Variants in DAB1 observed in about 807,000 individuals in gnomAD.
DAB1 encodes DAB adaptor protein 1, also known as disabled homolog 1.
DAB1 carries 15 observed loss-of-function variants against 64.6 expected under a neutral mutation model. The ratio of observed to expected loss-of-function variants is 0.23; its 90% CI spans 0.16 to 0.36. DAB1 has a LOEUF of 0.36. DAB1 is among the 10% of genes least tolerant of loss of function. The pLI is 1.00. For missense variants in DAB1, 596 were observed against 706.7 expected (o/e 0.84, Z 1.78); for synonymous variants, 235 against 251.9 (o/e 0.93, Z 0.64).
At chr1:57,830,482 C>T (rs993360853) in intron 1 of DAB1, among the ~76,000 whole-genome samples, 2 of 152,168 alleles carry the variant, frequency 1.3e-5, no homozygotes, top group Non-Finnish European at 2.9e-5. Flanking sequence ...GCAGCGTGAC[C>T]TCAAAGCTGG....
chr1:57,295,169 C>T (rs1446856491), intron 1 of DAB1, among the ~76,000 whole-genome samples: 1 of 152,092 alleles, frequency 6.6e-6, no homozygotes, highest in Non-Finnish European at 1.5e-5. Context: ...GGTTGCACAA[C>T]ATCATGACTA....
chr1:57,230,015 T>C (rs948497803), intron 2 of DAB1, among the ~76,000 whole-genome samples: 1 of 152,228 alleles, frequency 6.6e-6, no homozygotes, highest in Non-Finnish European at 1.5e-5. Context: ...ACTTGTTTAT[T>C]GAAGCATATA....
chr1:58,138,707 G>A lies in DAB1; in HGVS notation n.387+11804C>T, dbSNP rs574638978. On this transcript the variant is annotated intron_variant and non_coding_transcript_variant, in intron 5 of 20. Transcript: ENST00000485760. ...CTGTACTTTCAAAATATGCAATCTG[G>A]TGGTGAAAAATATGGAAGCTTGAAG... 9.8e-5 allele frequency among the ~76,000 whole-genome samples: 15 copies of A among 152,290 alleles called. No homozygotes were observed. The South Asian group carries it at 2.1e-3, about 21-fold the overall frequency.
chr1:57,431,242 G>A (rs1190605936), intron 7 of DAB1, among the ~76,000 whole-genome samples: 1 of 150,686 alleles, frequency 6.6e-6, no homozygotes, highest in East Asian at 1.9e-4. Context: ...CTCTAGAGAA[G>A]CATGCATGAA....
chr1:57,276,257 T>C (rs567362919), intron 2 of DAB1, among the ~76,000 whole-genome samples: 1 of 152,364 alleles, frequency 6.6e-6, no homozygotes, highest in African/African-American at 2.4e-5. Context: ...ATCCTCTCCA[T>C]AGCGCTCAAG....
intron 6 of DAB1, among the ~76,000 whole-genome samples, chr1:57,747,258 G>A (rs1648321434): frequency 6.6e-6 from 1 of 152,150 alleles, no homozygotes. Context: ...AATGTTTTAT[G>A]TGCTTGCCCC....
At chr1:57,588,149 T>C (rs1645402117) in intron 7 of DAB1, among the ~76,000 whole-genome samples, 1 of 152,192 alleles carries the variant, frequency 6.6e-6, no homozygotes, top group Non-Finnish European at 1.5e-5. Flanking sequence ...ACAAGAAACA[T>C]TCAGGTCATT....
chr1:58,400,552 T>C (rs376132391), intron 3 of DAB1, among the ~76,000 whole-genome samples: 68 of 152,194 alleles, frequency 4.5e-4, no homozygotes, highest in African/African-American at 1.6e-3. Context: ...GCAGATACAA[T>C]AGAATCATAA....
intron 6 of DAB1, among the ~76,000 whole-genome samples, chr1:57,811,830 A>G (rs1651634940): frequency 2.6e-5 from 4 of 152,126 alleles, no homozygotes; most frequent in Admixed American, 2.0e-4. Context: ...GCTCTAGGTA[A>G]CCCAAGCCAT....
chr1:57,899,785 C>T (rs1055408987), intron 5 of DAB1, among the ~76,000 whole-genome samples: 5 of 152,024 alleles, frequency 3.3e-5, no homozygotes, highest in Non-Finnish European at 2.9e-5. Context: ...TGTCAAGATC[C>T]GGCTCTCGCA....
chr1:58,307,026 G>A (rs143970804), intron 4 of DAB1, among the ~76,000 whole-genome samples: 29 of 152,304 alleles, frequency 1.9e-4, no homozygotes, highest in Non-Finnish European at 3.7e-4. Flanking sequence ...AGGTAATTGG[G>A]TTGTCATGTG....
At chr1:57,508,736 A>G (rs1644374964) in intron 7 of DAB1, among the ~76,000 whole-genome samples, 1 of 152,148 alleles carries the variant, frequency 6.6e-6, no homozygotes. Context: ...TGCTCTATTC[A>G]TTTGTATGTG....
chr1:58,425,117 G>A (rs1034669126), intron 3 of DAB1, among the ~76,000 whole-genome samples: 9 of 152,182 alleles, frequency 5.9e-5, no homozygotes, highest in African/African-American at 2.2e-4. Flanking sequence ...ATCTTTGTCT[G>A]AGGTTCTGCC....
At chr1:58,079,508 A>G (rs952900421) in intron 5 of DAB1, among the ~76,000 whole-genome samples, 4 of 144,454 alleles carry the variant, frequency 2.8e-5, no homozygotes, top group African/African-American at 1.0e-4. Context: ...ATGAATGAGC[A>G]TACCATCTTT....
At chr1:57,477,949 A>C (rs1188726072) in intron 7 of DAB1, among the ~76,000 whole-genome samples, 1 of 149,926 alleles carries the variant, frequency 6.7e-6, no homozygotes, top group African/African-American at 2.4e-5. Flanking sequence ...CCTGTGCACA[A>C]CGTGCAGGTT....
chr1:57,025,070 C>T (rs548812153), intron 10 of DAB1, among the ~76,000 whole-genome samples: 14 of 152,166 alleles, frequency 9.2e-5, no homozygotes, highest in Non-Finnish European at 1.8e-4. Context: ...CACCATCCCT[C>T]GGTTTGCACA....
At chr1:57,019,502 A>G (rs889079683) in intron 11 of DAB1, among the ~76,000 whole-genome samples, 2 of 152,162 alleles carry the variant, frequency 1.3e-5, no homozygotes, top group African/African-American at 2.4e-5. Flanking sequence ...GTAATTGGGT[A>G]TCATGTTTAG....
At chr1:57,534,647 G>A (rs1644704269) in intron 7 of DAB1, among the ~76,000 whole-genome samples, 1 of 152,146 alleles carries the variant, frequency 6.6e-6, no homozygotes, top group Admixed American at 6.6e-5. Context: ...TCTAAGAACA[G>A]GAGTCCTGTC....
chr1:57,922,755 A>T (rs745833129), intron 5 of DAB1, among the ~76,000 whole-genome samples: 1 of 148,278 alleles, frequency 6.7e-6, no homozygotes, highest in Non-Finnish European at 1.5e-5. Context: ...CTGAGGCAGG[A>T]GAATGGCATG....
Sources: allele counts gnomAD v4.1 joint callset (sites outside exome capture counted in the v4.1 genomes callset), GRCh38; gene constraint gnomAD v4.1.1; transcripts MANE v1.5; gene names NCBI Gene and HGNC (gene_info 2026-07-23, HGNC 2026-07-21).